The following KIF13B variants were observed in gnomAD, a reference collection of about 807,000 sequenced individuals.
The protein encoded by KIF13B is kinesin family member 13B, also known as kinesin-like protein KIF13B.
KIF13B carries 127 observed loss-of-function variants against 222.0 expected under a neutral mutation model. That is an observed-to-expected ratio of 0.57 (90% CI 0.50 to 0.66). The LOEUF is 0.66. KIF13B is among the 30% of genes least tolerant of loss of function. The pLI is 0.00. For synonymous variants in KIF13B, 976 were observed against 919.0 expected, an observed-to-expected ratio of 1.06 and a Z score of -1.12; for missense variants, 2,173 against 2,379.0, an observed-to-expected ratio of 0.91 and a Z score of 1.80.
rs371103040 is a variant in KIF13B at position 29,129,975 on chromosome 8, A to C, written c.3075+558T>G. On this transcript the variant is annotated intron_variant, in intron 24 of 39. Coordinates refer to ENST00000524189, the MANE Select transcript of KIF13B (RefSeq NM_015254.4). ...GACAGCCAGGACACTAGAGAGCCAG[A>C]ATTGAGCCCAAGCATTTTACAATCT... is the stretch of plus-strand genomic sequence containing the variant. Among the ~76,000 whole-genome samples, 8 of 152,342 alleles carry C rather than the reference A, an allele frequency of 5.3e-5. No individual in the cohort carries two copies. In the East Asian group the frequency reaches 1.5e-3, roughly 29 times the overall value.
intron 2 of KIF13B, among the ~76,000 whole-genome samples, chr8:29,244,234 C>T (rs568860717): frequency 9.8e-5 from 15 of 152,294 alleles, no homozygotes; most frequent in African/African-American, 3.1e-4. Flanking sequence ...AGGATGGTCT[C>T]GATCTCCTGA....
At chr8:29,198,724 C>T (rs1164099336) in intron 2 of KIF13B, among the ~76,000 whole-genome samples, 2 of 152,200 alleles carry the variant, frequency 1.3e-5, no homozygotes, top group East Asian at 3.8e-4. Flanking sequence ...GTGAAAAAGA[C>T]ACATGCATAT....
At chr8:29,135,682 G>A (rs1254905358) in intron 21 of KIF13B, among the ~76,000 whole-genome samples, 1 of 152,110 alleles carries the variant, frequency 6.6e-6, no homozygotes, top group African/African-American at 2.4e-5. Flanking sequence ...ATCACTTGAG[G>A]TCAGGAGTTT....
chr8:29,181,881 C>A (rs1273424065), intron 7 of KIF13B, 38 bp downstream of exon 7: 8 of 1,461,832 alleles, frequency 5.5e-6, no homozygotes, highest in Non-Finnish European at 7.6e-6. Context: ...CACCCTACTA[C>A]ACTAAATTTA....
intron 37 of KIF13B, among the ~76,000 whole-genome samples, chr8:29,080,441 G>A (rs576799933): frequency 2.0e-5 from 3 of 151,666 alleles, no homozygotes; most frequent in South Asian, 2.1e-4. Flanking sequence ...AGAGGAAAAC[G>A]AAGAGTTCCG....
intron 37 of KIF13B, among the ~76,000 whole-genome samples, chr8:29,075,830 G>A (rs188351632): frequency 3.8e-4 from 58 of 152,296 alleles, no homozygotes; most frequent in Non-Finnish European, 6.6e-4. Flanking sequence ...GAAGGCCCTG[G>A]GCATCGGAAA....
At chr8:29,216,826 C>G (rs1272841497) in intron 2 of KIF13B, among the ~76,000 whole-genome samples, 1 of 152,080 alleles carries the variant, frequency 6.6e-6, no homozygotes, top group Non-Finnish European at 1.5e-5. Context: ...CCTAGGGAAA[C>G]CTATGTGACT....
At position 29,072,266 on chromosome 8, in the gene KIF13B, C is replaced by A; in HGVS notation, c.4572G>T (p.Pro1524=). 1 of 1,472,444 alleles carries A rather than the reference C, an allele frequency of 6.8e-7. No individual in the cohort carries two copies. Among genetic ancestry groups the A allele is most frequent in the Non-Finnish European group, 9.0e-7 (1 of 1,113,210 alleles). 91.2% of individuals were successfully genotyped at this position (1,472,444 alleles called of 1,614,324 possible). Residue 1524 remains proline, a synonymous_variant, in exon 39 of 40, where the codon CCG becomes CCT. Transcript: ENST00000524189. ...CAGGTTTGTCGCAGATCTTCAAGGC[C>A]GGGGCCCCCATCGTCTGCACCAGCA... ...PDVLVQTMGA[P]ALKICDKPAK...
intron 1 of KIF13B, among the ~76,000 whole-genome samples, chr8:29,247,620 G>T (rs1816087201): frequency 6.6e-6 from 1 of 151,928 alleles, no homozygotes; most frequent in Admixed American, 6.6e-5. Context: ...CTTGAGCACA[G>T]GAGTTTGAGA....
intron 29 of KIF13B, among the ~76,000 whole-genome samples, chr8:29,120,121 C>T (rs964809370): frequency 6.6e-5 from 10 of 151,296 alleles, no homozygotes; most frequent in Non-Finnish European, 1.2e-4. Context: ...GTATCCAGGC[C>T]CAAAATATTT....
chr8:29,167,027 A>G (rs1812032766), intron 11 of KIF13B, among the ~76,000 whole-genome samples: 1 of 152,126 alleles, frequency 6.6e-6, no homozygotes, highest in African/African-American at 2.4e-5. Context: ...GCTCTCCATC[A>G]TTTTCTGCAC....
At chr8:29,115,445 G>A (rs896112219) in intron 31 of KIF13B, among the ~76,000 whole-genome samples, 2 of 151,384 alleles carry the variant, frequency 1.3e-5, no homozygotes. Flanking sequence ...TCTTGCCTCA[G>A]CCTCCTGAGT....
chr8:29,204,880 G>A (rs1024313019), intron 2 of KIF13B, among the ~76,000 whole-genome samples: 3 of 152,036 alleles, frequency 2.0e-5, no homozygotes, highest in Non-Finnish European at 4.4e-5. Flanking sequence ...ATTTTCCATC[G>A]TGTTTCTTGA....
intron 6 of KIF13B, 96 bp downstream of exon 6, chr8:29,186,196 A>T (rs1812918853): frequency 1.1e-6 from 1 of 934,690 alleles, no homozygotes; most frequent in Admixed American, 2.2e-5. Flanking sequence ...TGACAGAGCG[A>T]GACCCTCTGA....
intron 2 of KIF13B, among the ~76,000 whole-genome samples, chr8:29,228,187 C>T (rs1288784896): frequency 2.7e-5 from 4 of 150,730 alleles, no homozygotes; most frequent in Non-Finnish European, 4.4e-5. Context: ...AAATATGGGC[C>T]GGGCTCAGTG....
intron 32 of KIF13B, 47 bp downstream of exon 32, chr8:29,113,416 C>CT (rs1177693116): frequency 8.2e-7 from 1 of 1,218,226 alleles, no homozygotes; most frequent in African/African-American, 1.5e-5. Flanking sequence ...GGAGTTGGCT[C>CT]TTTTTAAGTG....
chr8:29,099,166 C>G lies in KIF13B; in HGVS notation c.4291G>C (p.Val1431Leu), dbSNP rs1018387226. 6.2e-7 allele frequency: 1 copy of G among 1,613,624 alleles called. No homozygotes were observed. Among genetic ancestry groups the G allele is most frequent in the Non-Finnish European group, 8.5e-7 (1 of 1,179,692 alleles). The change falls in exon 36 of 40, where the codon GTT becomes CTT. Residue 1431 changes from valine to leucine, a missense_variant. By Grantham distance (32) the Val-to-Leu change is conservative. Coordinates refer to ENST00000524189, the MANE Select transcript of KIF13B (RefSeq NM_015254.4). ...GGAGAATGGTTATTTTGGGGAGAAA[C>G]AGAGAGGGCGGGGGCAGGAGCTATT... ...RGIAPAPALS[V>L]SPQNNHSPDP... is the part of the protein sequence containing the mutation.
At chr8:29,114,313 T>C (rs757276245) in intron 31 of KIF13B, among the ~76,000 whole-genome samples, 8 of 152,222 alleles carry the variant, frequency 5.3e-5, no homozygotes, top group Non-Finnish European at 1.2e-4. Flanking sequence ...GTCTTAGACA[T>C]ACATCATTTC....
At chr8:29,236,600 G>A (rs1815518223) in intron 2 of KIF13B, among the ~76,000 whole-genome samples, 1 of 152,004 alleles carries the variant, frequency 6.6e-6, no homozygotes, top group African/African-American at 2.4e-5. Flanking sequence ...AAAACATAAA[G>A]ATAGTCACTA....
Sources: gnomAD v4.1 joint callset for allele counts (sites outside exome capture counted in the v4.1 genomes callset) on GRCh38, gnomAD v4.1.1 for gene constraint, MANE v1.5 for transcripts, NCBI Gene and HGNC (gene_info 2026-07-23, HGNC 2026-07-21) for gene names.